The following ZNF423 variants were observed in gnomAD, a reference collection of about 807,000 sequenced individuals.
ZNF423 encodes Ebf-associated zinc finger protein.
In ZNF423, 12 loss-of-function variants were observed where a neutral mutation model predicts 95.8. The ratio of observed to expected loss-of-function variants is 0.13; its 90% CI spans 0.08 to 0.20. ZNF423 has a LOEUF of 0.20. Ranked by LOEUF, ZNF423 falls within the 10% of genes least tolerant of loss-of-function variation. The probability of loss-of-function intolerance (pLI) is 1.00; values close to 1 mark genes in which losing one functional copy is unlikely to be tolerated. For synonymous variants in ZNF423, 749 were observed against 711.9 expected, an observed-to-expected ratio of 1.05 and a Z score of -0.83; for missense variants, 1,316 against 1,737.1, an observed-to-expected ratio of 0.76 and a Z score of 4.31.
chr16:49,648,857 G>C (rs1230742226), intron 3 of ZNF423, among the ~76,000 whole-genome samples: 1 of 152,096 alleles, frequency 6.6e-6, no homozygotes, highest in Non-Finnish European at 1.5e-5. Flanking sequence ...TCAAATTAGA[G>C]AGCATCTAGG....
chr16:49,766,268 A>G (rs2033927144), intron 2 of ZNF423, among the ~76,000 whole-genome samples: 1 of 152,150 alleles, frequency 6.6e-6, no homozygotes, highest in Admixed American at 6.5e-5. Flanking sequence ...TGTTTTTTTA[A>G]GTGAAGGTTT....
chr16:49,654,904 G>A (rs767696875), intron 3 of ZNF423, among the ~76,000 whole-genome samples: 57 of 104,250 alleles, frequency 5.5e-4, no homozygotes, highest in African/African-American at 1.1e-3. Context: ...AATTTTCTTC[G>A]GTTTTGTTTT....
intron 5 of ZNF423, among the ~76,000 whole-genome samples, chr16:49,560,465 G>T (rs1262282975): frequency 2.6e-5 from 4 of 152,214 alleles, no homozygotes; most frequent in Admixed American, 1.3e-4. Context: ...GCTTGCCACA[G>T]TATGAAGTCC....
In ZNF423 at chr16:49,489,881, G is replaced by A. The variant is rs1966898772; in HGVS notation, c.*1394C>T. On this transcript the variant is annotated 3_prime_UTR_variant, in exon 8 of 8. Transcript: ENST00000563137. ...AGGAGGCCTGGAGACCAAGGCTGCT[G>A]GGTGGGCCCTGGGAGGCCAGCAGGG... The A allele has an allele frequency of 6.6e-6, 1 of 152,558 alleles. No homozygotes were observed. Among genetic ancestry groups the A allele is most frequent in the Admixed American group, 6.5e-5 (1 of 15,284 alleles). The allele number at this position is 152,558 out of a possible 1,614,324, so 9.5% of individuals were successfully genotyped here.
At chr16:49,809,084 G>A (rs1195499390) in intron 1 of ZNF423, among the ~76,000 whole-genome samples, 1 of 152,258 alleles carries the variant, frequency 6.6e-6, no homozygotes, top group African/African-American at 2.4e-5. Flanking sequence ...CTTGCCAGAT[G>A]TGGCCACCCG....
At position 49,526,696 on chromosome 16, in the gene ZNF423, C is replaced by T. The variant is rs1357472258; in HGVS notation, c.3602-1202G>A. On this transcript the variant is annotated intron_variant, in intron 5 of 7. Coordinates refer to ENST00000563137, the MANE Select transcript of ZNF423 (RefSeq NM_001379286.1). ...ACCTGGGGTTGGAATCCGTCCCTCC[C>T]CTTACTGGGTGATCTTAGGCAAGTC... is the stretch of plus-strand genomic sequence containing the variant. Among the ~76,000 whole-genome samples, 5 of 152,316 alleles carry T rather than the reference C, an allele frequency of 3.3e-5. No homozygotes were observed. In the South Asian group the frequency reaches 8.3e-4, roughly 25 times the overall value.
At chr16:49,631,461 A>C (rs759524096) in intron 4 of ZNF423, among the ~76,000 whole-genome samples, 1 of 147,002 alleles carries the variant, frequency 6.8e-6, no homozygotes, top group Non-Finnish European at 1.5e-5. Flanking sequence ...AGCCCCCACT[A>C]GGAGATATAA....
At chr16:49,544,290 G>A (rs79633632) in intron 5 of ZNF423, among the ~76,000 whole-genome samples, 156 of 152,296 alleles carry the variant, frequency 1.0e-3, no homozygotes, top group Non-Finnish European at 1.7e-3. Flanking sequence ...CACTGGGTTC[G>A]ACTTCTCGAT....
rs538538943 is a variant in ZNF423 at position 49,541,091 on chromosome 16, T to C, written c.3602-15597A>G. Among the ~76,000 whole-genome samples, 96 of 152,208 alleles carry C rather than the reference T, an allele frequency of 6.3e-4. 1 individual carries two copies. Among genetic ancestry groups the C allele is most frequent in the Admixed American group, 6.5e-4 (10 of 15,290 alleles). On this transcript the variant is annotated intron_variant, in intron 5 of 7. Transcript: ENST00000563137. Reference sequence around the variant, plus strand: ...TCACCTGCCCCTCATGTCTGCCCCATCAGGGACTCCCGCTCTCTGCACCCA... The same window carrying C: ...TCACCTGCCCCTCATGTCTGCCCCACCAGGGACTCCCGCTCTCTGCACCCA...
chr16:49,528,775 G>A (rs942455242), intron 5 of ZNF423, among the ~76,000 whole-genome samples: 3 of 152,148 alleles, frequency 2.0e-5, no homozygotes, highest in Non-Finnish European at 4.4e-5. Context: ...GGGAGGGCCG[G>A]GGAGGTGGAG....
intron 5 of ZNF423, among the ~76,000 whole-genome samples, chr16:49,590,715 C>G (rs890134845): frequency 1.3e-5 from 2 of 152,170 alleles, no homozygotes; most frequent in African/African-American, 4.8e-5. Flanking sequence ...CAGCGTCCCC[C>G]GCCTGCTCAC....
At chr16:49,591,640 A>C (rs1971013684) in intron 5 of ZNF423, among the ~76,000 whole-genome samples, 1 of 152,224 alleles carries the variant, frequency 6.6e-6, no homozygotes, top group Non-Finnish European at 1.5e-5. Flanking sequence ...TAGTATGGGC[A>C]TTATAACTGC....
At chr16:49,691,555 A>G (rs540422973) in intron 3 of ZNF423, among the ~76,000 whole-genome samples, 13 of 152,024 alleles carry the variant, frequency 8.6e-5, no homozygotes, top group Admixed American at 2.6e-4. Context: ...ACATGGTGAA[A>G]CCCCGTCTCT....
intron 5 of ZNF423, among the ~76,000 whole-genome samples, chr16:49,533,143 T>C (rs1567449265): frequency 6.6e-6 from 1 of 152,216 alleles, no homozygotes; most frequent in African/African-American, 2.4e-5. Context: ...TATGCAGGCA[T>C]GTGGTTTCAG....
intron 5 of ZNF423, among the ~76,000 whole-genome samples, chr16:49,620,063 G>C (rs1972007356): frequency 6.6e-6 from 1 of 151,810 alleles, no homozygotes; most frequent in Admixed American, 6.6e-5. Flanking sequence ...CCAGGGATGT[G>C]CTTCATAAAG....
At position 49,637,761 on chromosome 16, in the gene ZNF423, T is replaced by C. The variant is rs1221049277; in HGVS notation, c.1415A>G (p.His472Arg). 2 of 1,614,142 alleles carry C rather than the reference T, an allele frequency of 1.2e-6. No homozygotes were observed. The highest frequency in any genetic ancestry group is 1.7e-6 in the Non-Finnish European group (2 of 1,180,044). ...CATCACAGGGTAGGCATGGTTCTTG[T>C]GCAGCTTGCGAACGTGCTCGTTGAG... ...YNLNEHVRKL[H>R]KNHAYPVMQF... The change falls in exon 4 of 8, where the codon CAC (histidine) becomes CGC (arginine). Residue 472 changes from histidine (H) to arginine (R), a missense_variant. His to Arg is a conservative substitution (Grantham distance 29). Around this residue, in one of 6 missense-constraint regions of ZNF423, gnomAD observed 399 missense variants for 478.5 expected, o/e 0.83. Transcript: ENST00000563137. This position sits in a 1 kb window ranked among gnomAD's most constrained non-coding sequence, Gnocchi z 5.6.
chr16:49,799,719 C>CATG lies in ZNF423; in HGVS notation c.41-10176_41-10174dup, dbSNP rs375563451. ...CTCCTCCATCTTTCCCTAATAAAAA[C>CATG]ATGATGATGATGATGATGTGTAAAA... On this transcript the variant is annotated intron_variant, in intron 1 of 7. Transcript: ENST00000563137. Among the ~76,000 whole-genome samples, 269 of 152,250 alleles carry CATG rather than the reference C, an allele frequency of 1.8e-3. 1 individual carries two copies. The highest frequency in any genetic ancestry group is 1.9e-3 in the Non-Finnish European group (127 of 68,012).
At chr16:49,858,979 G>C (rs1045813864), upstream of ZNF423, among the ~76,000 whole-genome samples, 3 of 152,320 alleles carry the variant, frequency 2.0e-5, no homozygotes, top group Admixed American at 1.3e-4. The surrounding 1 kb of genome is among the most constrained non-coding windows in gnomAD (Gnocchi z 4.3). Flanking sequence ...GGCTGCCTCT[G>C]CTAGAGGTAG....
At chr16:49,769,136 A>G (rs1337374033) in intron 2 of ZNF423, among the ~76,000 whole-genome samples, 1 of 152,096 alleles carries the variant, frequency 6.6e-6, no homozygotes, top group East Asian at 1.9e-4. Context: ...CGGGTGGATC[A>G]CCTGAGGTCA....
Sources: gnomAD v4.1 joint callset for allele counts (sites outside exome capture counted in the v4.1 genomes callset) on GRCh38, gnomAD v4.1.1 for gene constraint, gnomAD v4.1.1 regional missense constraint, Gnocchi (gnomAD v3.1) non-coding constraint, MANE v1.5 for transcripts, NCBI Gene and HGNC (gene_info 2026-07-23, HGNC 2026-07-21) for gene names.